The following XPO5 variants were observed in gnomAD, a reference collection of about 807,000 sequenced individuals.
XPO5 encodes the protein exportin 5, also known as exportin-5.
Under a neutral mutation model 160.6 loss-of-function variants are expected in XPO5, and 46 were observed. That is an observed-to-expected ratio of 0.29 (90% CI 0.23 to 0.37). The LOEUF is 0.37. Ranked by LOEUF, XPO5 falls within the 10% of genes least tolerant of loss-of-function variation. The probability of loss-of-function intolerance (pLI) is 1.00; values close to 1 mark genes in which losing one functional copy is unlikely to be tolerated. For synonymous variants in XPO5, 537 were observed against 519.3 expected, an observed-to-expected ratio of 1.03 and a Z score of -0.46; for missense variants, 1,090 against 1,463.9, an observed-to-expected ratio of 0.74 and a Z score of 4.17.
At chr6:43,531,154 T>C (rs1254908018) in intron 22 of XPO5, among the ~76,000 whole-genome samples, 2 of 152,194 alleles carry the variant, frequency 1.3e-5, no homozygotes, top group Non-Finnish European at 2.9e-5. Flanking sequence ...ACCCGACTCC[T>C]ATGAGAAGTA....
chr6:43,542,607 G>A (rs1006825492), intron 20 of XPO5, among the ~76,000 whole-genome samples: 3 of 151,978 alleles, frequency 2.0e-5, no homozygotes, highest in African/African-American at 7.3e-5. Flanking sequence ...GGTATTTTGA[G>A]TAGAGACGGG....
chr6:43,543,652 C>A (rs1238829353), intron 20 of XPO5, among the ~76,000 whole-genome samples: 1 of 151,866 alleles, frequency 6.6e-6, no homozygotes, highest in Non-Finnish European at 1.5e-5. Flanking sequence ...AAATGTTACA[C>A]TTCAAGATAA....
rs1795025268 is a variant in XPO5 at position 43,547,659 on chromosome 6, C to T, written c.2109G>A (p.Gln703=). The change falls in exon 19 of 32, where the codon CAG becomes CAA. Residue 703 remains glutamine, a synonymous_variant. Coordinates refer to ENST00000265351, the MANE Select transcript of XPO5 (RefSeq NM_020750.3). ...DAFIAYVGTD[Q]KSCDPGLEDP... ...CCTCCAGGCCTGGGTCACAGCTCTT[C>T]TGATCTGTACCCACATACGCAATGA... is the stretch of plus-strand genomic sequence containing the variant. 1 of 1,613,936 alleles carries T rather than the reference C, an allele frequency of 6.2e-7. No homozygotes were observed. The highest frequency in any genetic ancestry group is 1.3e-5 in the African/African-American group (1 of 74,932).
chr6:43,543,147 C>A (rs951161732), intron 20 of XPO5, among the ~76,000 whole-genome samples: 1 of 152,118 alleles, frequency 6.6e-6, no homozygotes, highest in African/African-American at 2.4e-5. Context: ...TCACAAAGTT[C>A]AAAAACCTGG....
At chr6:43,525,580 C>T in intron 28 of XPO5, 1 of 530,692 alleles carries the variant, frequency 1.9e-6, no homozygotes, top group South Asian at 2.7e-5. Context: ...TCAGGCCTGG[C>T]TTGGGGAGGC....
chr6:43,539,335 C>A (rs1353979568), intron 20 of XPO5: 2 of 1,579,144 alleles, frequency 1.3e-6, no homozygotes, highest in Non-Finnish European at 1.7e-6. Flanking sequence ...ACGCCTTGAA[C>A]CTGGTGCGCT....
rs1762964750 is a variant in XPO5 at position 43,570,654 on chromosome 6, G to C, written c.469C>G (p.Leu157Val). 1 of 1,612,436 alleles carries C rather than the reference G, an allele frequency of 6.2e-7. No individual in the cohort carries two copies. Among genetic ancestry groups the C allele is most frequent in the Non-Finnish European group, 8.5e-7 (1 of 1,179,370 alleles). Reference sequence around the variant, plus strand: ...ACTACATCCTCTGCCAGTCGCAAAAGGATAAACATCACCAATTCTGTCTGT... The same window carrying C: ...ACTACATCCTCTGCCAGTCGCAAAACGATAAACATCACCAATTCTGTCTGT... ...ETQTELVMFI[L>V]LRLAEDVVTF... Residue 157 changes from leucine (L) to valine (V), a missense_variant, in exon 5 of 32, where the codon CTT becomes GTT. By Grantham distance (32) the Leu-to-Val change is conservative (BLOSUM62 1). Around this residue, in one of 3 missense-constraint regions of XPO5, gnomAD observed 170 missense variants for 227.0 expected, o/e 0.75. Coordinates refer to ENST00000265351, the MANE Select transcript of XPO5 (RefSeq NM_020750.3).
intron 23 of XPO5, among the ~76,000 whole-genome samples, chr6:43,530,110 A>G (rs1457764129): frequency 6.6e-6 from 1 of 152,106 alleles, no homozygotes; most frequent in African/African-American, 2.4e-5. Context: ...CAAAAAAATT[A>G]GCTGGGCGTA....
At chr6:43,569,303 A>C (rs1211917577) in intron 5 of XPO5, among the ~76,000 whole-genome samples, 6 of 151,442 alleles carry the variant, frequency 4.0e-5, no homozygotes, top group South Asian at 2.1e-4. Context: ...AAAAAAAAAA[A>C]AACAACAAAA....
At chr6:43,563,270 G>A (rs1762504129) in intron 8 of XPO5, among the ~76,000 whole-genome samples, 1 of 152,072 alleles carries the variant, frequency 6.6e-6, no homozygotes, top group African/African-American at 2.4e-5. Flanking sequence ...GGACTATAAA[G>A]CGCATGCCAC....
rs553855953 is a variant in XPO5 at position 43,532,033 on chromosome 6, A to G, written c.2444-458T>C. Among the ~76,000 whole-genome samples the G allele has an allele frequency of 3.9e-5, 6 of 152,318 alleles. No individual in the cohort carries two copies. In the South Asian group the frequency reaches 1.2e-3, roughly 32 times the overall value. ...GTGTAATCAGAGGTTTTACATTTCG[A>G]GTCCTATAGTCAGAAGCTATCTGTG... On this transcript the variant is annotated intron_variant, in intron 21 of 31. Transcript: ENST00000265351.
intron 20 of XPO5, chr6:43,539,587 G>T: frequency 7.3e-7 from 1 of 1,369,652 alleles, no homozygotes; most frequent in Non-Finnish European, 1.0e-6. Flanking sequence ...CCGGTCCACG[G>T]CTGCGACCCC....
chr6:43,550,750 CTCT>C (rs1462146472), intron 15 of XPO5, among the ~76,000 whole-genome samples: 1 of 152,188 alleles, frequency 6.6e-6, no homozygotes, highest in Non-Finnish European at 1.5e-5. Context: ...CTCATGCTTT[CTCT>C]TCTTTAGTCC....
chr6:43,558,435 C>T (rs879102312), intron 12 of XPO5, 66 bp downstream of exon 12: 1 of 1,407,918 alleles, frequency 7.1e-7, no homozygotes. Flanking sequence ...CACCATGCAC[C>T]ATGATTCATA....
At chr6:43,571,106 C>T (rs1762985853) in intron 3 of XPO5, 112 bp from the exon 4 acceptor site, 1 of 1,077,478 alleles carries the variant, frequency 9.3e-7, no homozygotes, top group Admixed American at 2.4e-5. Context: ...ACTTTTAAAC[C>T]AAACAGAACA....
chr6:43,573,703 C>T, intron 1 of XPO5, 102 bp from the exon 2 acceptor site: 2 of 1,389,072 alleles, frequency 1.4e-6, no homozygotes, highest in Non-Finnish European at 1.9e-6. Context: ...TGCGGTGGCT[C>T]ACACCTGTCC....
chr6:43,566,351 G>A (rs925148539), intron 7 of XPO5, among the ~76,000 whole-genome samples: 2 of 151,918 alleles, frequency 1.3e-5, no homozygotes, highest in African/African-American at 2.4e-5. Flanking sequence ...CTGAGATTGC[G>A]CCACTGCACT....
intron 14 of XPO5, 48 bp downstream of exon 14, chr6:43,553,325 A>G: frequency 6.4e-7 from 1 of 1,568,370 alleles, no homozygotes; most frequent in Non-Finnish European, 8.6e-7. Flanking sequence ...AAAAGAAAAG[A>G]AAAAGGTCAA....
chr6:43,567,137 T>C, intron 7 of XPO5, 32 bp downstream of exon 7: 1 of 1,585,504 alleles, frequency 6.3e-7, no homozygotes, highest in Non-Finnish European at 8.6e-7. Flanking sequence ...CTTCAGAGAC[T>C]GAGGATAAGT....
Sources: gnomAD v4.1 joint callset for allele counts (sites outside exome capture counted in the v4.1 genomes callset) on GRCh38, gnomAD v4.1.1 for gene constraint, gnomAD v4.1.1 regional missense constraint, MANE v1.5 for transcripts, NCBI Gene and HGNC (gene_info 2026-07-23, HGNC 2026-07-21) for gene names.